GPHN: variants seen among roughly 807,000 people sequenced by gnomAD.
GPHN encodes gephyrin.
GPHN carries 17 observed loss-of-function variants against 95.5 expected under a neutral mutation model. The ratio of observed to expected loss-of-function variants is 0.18; its 90% CI spans 0.12 to 0.27. The LOEUF (loss-of-function observed/expected upper bound fraction) is 0.27. Ranked by LOEUF, GPHN falls within the 10% of genes least tolerant of loss-of-function variation. The probability of loss-of-function intolerance (pLI) is 1.00; values close to 1 mark genes in which losing one functional copy is unlikely to be tolerated. For missense variants in GPHN, 660 were observed against 978.1 expected, an observed-to-expected ratio of 0.67 and a Z score of 4.34; for synonymous variants, 320 against 322.5, an observed-to-expected ratio of 0.99 and a Z score of 0.08.
At chr14:66,689,942 T>C (rs1467689752) in intron 2 of GPHN, among the ~76,000 whole-genome samples, 2 of 152,064 alleles carry the variant, frequency 1.3e-5, no homozygotes, top group Admixed American at 1.3e-4. Flanking sequence ...TCTTTTCTCT[T>C]TTTGTCTTCG....
At chr14:66,661,154 A>T (rs1306434466) in intron 1 of GPHN, among the ~76,000 whole-genome samples, 1 of 152,178 alleles carries the variant, frequency 6.6e-6, no homozygotes, top group East Asian at 1.9e-4. Flanking sequence ...GGGGGCTAAG[A>T]AGCATTGATC....
At chr14:67,606,504 A>G in the GPHN span, among the ~76,000 whole-genome samples, 1 of 152,250 alleles carries the variant, frequency 6.6e-6, no homozygotes, top group African/African-American at 2.4e-5. Flanking sequence ...CAATTAGACC[A>G]TAACACCCTC....
the GPHN span, among the ~76,000 whole-genome samples, chr14:67,703,040 G>T: frequency 6.6e-6 from 1 of 151,954 alleles, no homozygotes; most frequent in African/African-American, 2.4e-5. Context: ...GGCTGGTCTT[G>T]AGCTCCTGGG....
the GPHN span, among the ~76,000 whole-genome samples, chr14:67,251,196 G>C: frequency 1.3e-5 from 2 of 152,132 alleles, no homozygotes; most frequent in African/African-American, 4.8e-5. Context: ...GGTAAGATTA[G>C]AAACTTTTTG....
At chr14:67,340,400 GAAA>G in the GPHN span, 2 of 1,561,010 alleles carry the variant, frequency 1.3e-6, no homozygotes, top group Non-Finnish European at 1.8e-6. Context: ...TTGGAATATG[GAAA>G]ACAAAAGATG....
chr14:66,850,683 A>G (rs1487173263), intron 4 of GPHN, among the ~76,000 whole-genome samples: 4 of 152,082 alleles, frequency 2.6e-5, no homozygotes, highest in Non-Finnish European at 4.4e-5. Flanking sequence ...AGTGCATGGG[A>G]CAGTCCCGGC....
intron 1 of GPHN, among the ~76,000 whole-genome samples, chr14:66,528,623 G>T (rs1292645483): frequency 6.6e-6 from 1 of 152,122 alleles, no homozygotes; most frequent in Non-Finnish European, 1.5e-5. Flanking sequence ...TCCATGTTTA[G>T]TACTTCCTTC....
the GPHN span, among the ~76,000 whole-genome samples, chr14:67,192,515 A>G: frequency 6.6e-6 from 1 of 151,854 alleles, no homozygotes; most frequent in Admixed American, 6.6e-5. Context: ...GCCTGTCTCT[A>G]CTGTGCCCGC....
chr14:67,565,296 T>A, the GPHN span, among the ~76,000 whole-genome samples: 4 of 152,072 alleles, frequency 2.6e-5, no homozygotes, highest in East Asian at 5.8e-4. Context: ...CAGGCTGGAG[T>A]GCAGTGGCAC....
the GPHN span, chr14:67,360,641 A>G: frequency 6.2e-6 from 1 of 160,484 alleles, no homozygotes; most frequent in Non-Finnish European, 1.4e-5. Flanking sequence ...CGTGTAGGTC[A>G]TCCTGTGTTC....
At chr14:66,715,409 T>A (rs375784472) in intron 2 of GPHN, among the ~76,000 whole-genome samples, 1 of 152,176 alleles carries the variant, frequency 6.6e-6, no homozygotes, top group East Asian at 1.9e-4. Flanking sequence ...TCAATTTTAT[T>A]TATCTTTTCA....
intron 5 of GPHN, among the ~76,000 whole-genome samples, chr14:66,907,177 A>G (rs898386952): frequency 6.6e-5 from 10 of 152,322 alleles, no homozygotes; most frequent in Admixed American, 2.0e-4. Context: ...GAATCAACCA[A>G]GATTTACTTC....
chr14:67,717,473 G>C, the GPHN span, among the ~76,000 whole-genome samples: 1 of 152,226 alleles, frequency 6.6e-6, no homozygotes, highest in African/African-American at 2.4e-5. Flanking sequence ...AAGCAGGTTA[G>C]CTTGGCTACA....
the GPHN span, among the ~76,000 whole-genome samples, chr14:67,196,041 CT>C: frequency 2.0e-5 from 3 of 152,128 alleles, no homozygotes; most frequent in Admixed American, 6.5e-5. Context: ...CCACCTTGGC[CT>C]CCTAAATAAT....
the GPHN span, chr14:67,388,169 G>A: frequency 1.8e-6 from 2 of 1,091,164 alleles, no homozygotes; most frequent in Non-Finnish European, 2.8e-6. Flanking sequence ...ACATTACTGA[G>A]GTGCAGGAGG....
At chr14:67,284,429 T>TAAAAAAAAAAAAAAAAAAAAA in the GPHN span, among the ~76,000 whole-genome samples, 53 of 92,646 alleles carry the variant, frequency 5.7e-4, 2 homozygotes, top group African/African-American at 2.0e-3. Context: ...CCCTATCTCT[T>TAAAAAAAAAAAAAAAAAAAAA]AAAAAAAAAA....
At chr14:66,521,624 C>T (rs1003393176) in intron 1 of GPHN, among the ~76,000 whole-genome samples, 1 of 152,142 alleles carries the variant, frequency 6.6e-6, no homozygotes, top group Non-Finnish European at 1.5e-5. Flanking sequence ...GGCTTTCTAG[C>T]TATGTCCACA....
At chr14:67,622,365 A>G in the GPHN span, among the ~76,000 whole-genome samples, 76 of 152,236 alleles carry the variant, frequency 5.0e-4, no homozygotes, top group Non-Finnish European at 8.7e-4. Flanking sequence ...CAGAGGAATA[A>G]TGAAGTCACT....
chr14:66,524,143 A>G (rs151005682), intron 1 of GPHN, among the ~76,000 whole-genome samples: 2 of 152,286 alleles, frequency 1.3e-5, no homozygotes, highest in Admixed American at 1.3e-4. Flanking sequence ...ATGGTTATGG[A>G]ATACTAAGTG....
Sources: allele counts gnomAD v4.1 joint callset (sites outside exome capture counted in the v4.1 genomes callset), GRCh38; gene constraint gnomAD v4.1.1; transcripts MANE v1.5; gene names NCBI Gene and HGNC (gene_info 2026-07-23, HGNC 2026-07-21).